ITGA8: variants seen among roughly 807,000 people sequenced by gnomAD.
The protein encoded by ITGA8 is integrin alpha-8.
ITGA8 carries 91 observed loss-of-function variants against 142.3 expected under a neutral mutation model. The ratio of observed to expected loss-of-function variants is 0.64; its 90% CI spans 0.54 to 0.76. The LOEUF (loss-of-function observed/expected upper bound fraction) is 0.76. Ranked by LOEUF, ITGA8 falls within the 30% of genes least tolerant of loss-of-function variation. The pLI, the probability that ITGA8 is intolerant of heterozygous loss-of-function variation, is 0.00. For missense variants in ITGA8, 1,406 were observed against 1,327.7 expected, an observed-to-expected ratio of 1.06 and a Z score of -0.92; for synonymous variants, 505 against 485.2, an observed-to-expected ratio of 1.04 and a Z score of -0.54.
chr10:15,648,466 T>C (rs1033563025), intron 11 of ITGA8, among the ~76,000 whole-genome samples: 1 of 149,922 alleles, frequency 6.7e-6, no homozygotes, highest in Non-Finnish European at 1.5e-5. Context: ...AAATTGAGTA[T>C]ATTATAAATA....
chr10:15,609,176 C>G (rs1833249210), intron 15 of ITGA8, among the ~76,000 whole-genome samples: 1 of 152,112 alleles, frequency 6.6e-6, no homozygotes, highest in African/African-American at 2.4e-5. Flanking sequence ...GACTGACTCC[C>G]TGGCTGCCTT....
At chr10:15,568,931 T>A (rs7908460) in intron 25 of ITGA8, among the ~76,000 whole-genome samples, 5,017 of 152,260 alleles carry the variant, frequency 0.033, 277 homozygotes, top group African/African-American at 0.11. Context: ...CAGGGCATAT[T>A]TGGGAAGTTG....
In ITGA8 at chr10:15,719,035, T is replaced by C. The variant is rs1835507367; in HGVS notation, c.210-136A>G. On this transcript the variant is annotated intron_variant, in intron 1 of 29. Transcript: ENST00000378076. ...GAACGTATTTATGATGAGGACCGAC[T>C]GTCAAACTTGATTTCCTCTTGGAAA... 13 of 1,314,262 alleles carry C rather than the reference T, an allele frequency of 9.9e-6. No individual in the cohort carries two copies. In the South Asian group the frequency reaches 1.5e-4, roughly 16 times the overall value. 81.4% of individuals were successfully genotyped at this position (1,314,262 alleles called of 1,614,324 possible).
Position 15,517,035 on chromosome 10 carries a change from G to C in ITGA8, c.*123C>G. On this transcript the variant is annotated 3_prime_UTR_variant, in exon 30 of 30. Transcript: ENST00000378076. Reference sequence around the variant, plus strand: ...GTGTAGATGAGGTGATGTTTCCAGGGTCCCCTCCATTTCCTGGGTCACTGT... The same window carrying C: ...GTGTAGATGAGGTGATGTTTCCAGGCTCCCCTCCATTTCCTGGGTCACTGT... 4.0e-6 allele frequency: 2 copies of C among 495,856 alleles called. No homozygotes were observed. Among genetic ancestry groups the C allele is most frequent in the South Asian group, 4.1e-5 (1 of 24,432 alleles). 30.7% of individuals were successfully genotyped at this position (495,856 alleles called of 1,614,324 possible).
intron 12 of ITGA8, among the ~76,000 whole-genome samples, chr10:15,645,230 C>T (rs1295355396): frequency 6.6e-6 from 1 of 152,068 alleles, no homozygotes; most frequent in Non-Finnish European, 1.5e-5. Flanking sequence ...CCTTGACTCC[C>T]ATCCCCTTGT....
intron 28 of ITGA8, among the ~76,000 whole-genome samples, chr10:15,527,338 A>G (rs1349515949): frequency 6.6e-6 from 1 of 152,218 alleles, no homozygotes; most frequent in Non-Finnish European, 1.5e-5. Context: ...GAGTTTTTAA[A>G]TGAAGATTTT....
At chr10:15,681,683 T>C (rs1258458688) in intron 4 of ITGA8, among the ~76,000 whole-genome samples, 1 of 152,134 alleles carries the variant, frequency 6.6e-6, no homozygotes, top group East Asian at 1.9e-4. Flanking sequence ...TTCAAGGCAG[T>C]TGGAAGAATA....
intron 4 of ITGA8, among the ~76,000 whole-genome samples, chr10:15,680,328 C>T (rs1834714634): frequency 6.7e-6 from 1 of 150,048 alleles, no homozygotes; most frequent in African/African-American, 2.5e-5. Flanking sequence ...CCCGGGTTCA[C>T]GCCATTCTCC....
intron 16 of ITGA8, 53 bp from the exon 17 acceptor site, chr10:15,607,884 A>G: frequency 4.2e-6 from 6 of 1,427,246 alleles, no homozygotes; most frequent in Non-Finnish European, 5.9e-6. Flanking sequence ...ACAGTGCTCT[A>G]TCAGAGAGAT....
At chr10:15,697,379 ACATTACGG>A (rs1835076727) in intron 2 of ITGA8, among the ~76,000 whole-genome samples, 1 of 152,210 alleles carries the variant, frequency 6.6e-6, no homozygotes, top group Admixed American at 6.5e-5. Flanking sequence ...CGATTCACAA[ACATTACGG>A]CACGTTTTGA....
chr10:15,680,460 A>G (rs998694448), intron 4 of ITGA8, among the ~76,000 whole-genome samples: 5 of 151,984 alleles, frequency 3.3e-5, no homozygotes, highest in Non-Finnish European at 7.4e-5. Flanking sequence ...TGAATCCTAT[A>G]AAGTTCCCTA....
intron 20 of ITGA8, among the ~76,000 whole-genome samples, chr10:15,601,979 T>C (rs1833112071): frequency 6.6e-6 from 1 of 152,212 alleles, no homozygotes; most frequent in Non-Finnish European, 1.5e-5. Context: ...AAAAAAGTAG[T>C]GAAGGAATCA....
At chr10:15,671,755 C>A in intron 7 of ITGA8, 108 bp from the exon 8 acceptor site, 1 of 770,960 alleles carries the variant, frequency 1.3e-6, no homozygotes, top group South Asian at 1.7e-5. Flanking sequence ...TATTTAGAAA[C>A]CTCTACAAAT....
At position 15,590,639 on chromosome 10, in the gene ITGA8, GT is replaced by G. The variant is rs532824635; in HGVS notation, c.2291+1585del. On this transcript the variant is annotated intron_variant, in intron 22 of 29. Coordinates refer to ENST00000378076, the MANE Select transcript of ITGA8 (RefSeq NM_003638.3). ...GCCATGACGTGTTTTGTTTGTTTTT[GT>G]TTTTTTTCTTAAGATACTTAGAAAT... Among the ~76,000 whole-genome samples, 686 of 151,860 alleles carry G rather than the reference GT, an allele frequency of 4.5e-3. 6 individuals carry two copies. The highest frequency in any genetic ancestry group is 0.016 in the African/African-American group (651 of 41,414).
intron 26 of ITGA8, among the ~76,000 whole-genome samples, chr10:15,557,315 G>T (rs1469535953): frequency 6.6e-6 from 1 of 152,170 alleles, no homozygotes; most frequent in East Asian, 1.9e-4. Context: ...GAGAAGCAGA[G>T]GTTGCAGTGA....
intron 13 of ITGA8, among the ~76,000 whole-genome samples, chr10:15,617,610 A>C (rs1375250921): frequency 6.6e-6 from 1 of 152,116 alleles, no homozygotes; most frequent in Non-Finnish European, 1.5e-5. Flanking sequence ...TGTGTTAACC[A>C]GGATGGTGTC....
intron 25 of ITGA8, among the ~76,000 whole-genome samples, chr10:15,562,776 C>G (rs7916999): frequency 0.39 from 58,924 of 151,970 alleles, 11,981 homozygotes; most frequent in African/African-American, 0.5. Context: ...CACTGTGGGC[C>G]CTGGGACATC....
At chr10:15,600,453 A>G (rs534777535) in intron 20 of ITGA8, among the ~76,000 whole-genome samples, 1 of 152,286 alleles carries the variant, frequency 6.6e-6, no homozygotes, top group East Asian at 1.9e-4. Context: ...GAGGGAGCAG[A>G]GTTAGTGTGT....
At chr10:15,564,750 C>G (rs1057476592) in intron 25 of ITGA8, among the ~76,000 whole-genome samples, 2 of 152,190 alleles carry the variant, frequency 1.3e-5, no homozygotes, top group African/African-American at 4.8e-5. Context: ...TGAACCCAAA[C>G]AAAAGCAATG....
Sources: allele counts gnomAD v4.1 joint callset (sites outside exome capture counted in the v4.1 genomes callset), GRCh38; gene constraint gnomAD v4.1.1; transcripts MANE v1.5; gene names NCBI Gene and HGNC (gene_info 2026-07-23, HGNC 2026-07-21).